MLLT3: variants seen among roughly 807,000 people sequenced by gnomAD.
The protein encoded by MLLT3 is protein AF-9.
MLLT3 carries 4 observed loss-of-function variants against 53.2 expected under a neutral mutation model. That is an observed-to-expected ratio of 0.08 (90% CI 0.04 to 0.17). The LOEUF is 0.17. Ranked by LOEUF, MLLT3 falls within the 10% of genes least tolerant of loss-of-function variation. The probability of loss-of-function intolerance (pLI) is 1.00; values close to 1 mark genes in which losing one functional copy is unlikely to be tolerated. For synonymous variants in MLLT3, 283 were observed against 230.6 expected (o/e 1.23, Z -2.06); for missense variants, 569 against 684.0 (o/e 0.83, Z 1.87).
chr9:20,552,023 G>A (rs1056694833), intron 2 of MLLT3, among the ~76,000 whole-genome samples: 13 of 152,082 alleles, frequency 8.5e-5, no homozygotes, highest in African/African-American at 2.7e-4. Context: ...CCACCCACCC[G>A]GATCCCTTTA....
intron 2 of MLLT3, among the ~76,000 whole-genome samples, chr9:20,488,657 T>C (rs1019555496): frequency 1.3e-5 from 2 of 152,218 alleles, no homozygotes; most frequent in Admixed American, 1.3e-4. Flanking sequence ...ATACAGAATC[T>C]GATTCTTTCA....
chr9:20,556,267 T>A (rs1819054900), intron 2 of MLLT3, among the ~76,000 whole-genome samples: 1 of 152,226 alleles, frequency 6.6e-6, no homozygotes. Flanking sequence ...ACTTCTGGAT[T>A]AAATAATCCT....
chr9:20,583,443 T>C (rs762915972), intron 2 of MLLT3, among the ~76,000 whole-genome samples: 19 of 152,148 alleles, frequency 1.2e-4, no homozygotes, highest in Non-Finnish European at 1.8e-4. Context: ...AGTGCCCCAG[T>C]AGGGACTCTG....
intron 2 of MLLT3, among the ~76,000 whole-genome samples, chr9:20,597,812 A>C (rs1820315596): frequency 6.6e-6 from 1 of 152,248 alleles, no homozygotes; most frequent in Non-Finnish European, 1.5e-5. Context: ...TTCCTATAGA[A>C]CTGCAGTCAC....
intron 2 of MLLT3, among the ~76,000 whole-genome samples, chr9:20,526,764 C>G (rs534242887): frequency 2.6e-5 from 4 of 152,282 alleles, no homozygotes; most frequent in Non-Finnish European, 5.9e-5. Flanking sequence ...AATTTACATT[C>G]CCACCAGCAG....
At chr9:20,423,977 A>T (rs796081687) in intron 4 of MLLT3, among the ~76,000 whole-genome samples, 2 of 152,146 alleles carry the variant, frequency 1.3e-5, no homozygotes, top group African/African-American at 4.8e-5. Flanking sequence ...AATAATGCAC[A>T]ATTTTAAAAT....
intron 2 of MLLT3, among the ~76,000 whole-genome samples, chr9:20,547,989 A>T (rs2119022882): frequency 6.6e-6 from 1 of 152,302 alleles, no homozygotes; most frequent in Admixed American, 6.5e-5. Flanking sequence ...CATATTTTAC[A>T]CCTATAGCAC....
chr9:20,348,406 C>G (rs1405801907), intron 10 of MLLT3, among the ~76,000 whole-genome samples: 2 of 152,160 alleles, frequency 1.3e-5, no homozygotes, highest in South Asian at 2.1e-4. Flanking sequence ...CATCTTTTGC[C>G]TTCTTTCCTT....
intron 2 of MLLT3, among the ~76,000 whole-genome samples, chr9:20,513,248 T>G (rs895109679): frequency 6.6e-6 from 1 of 152,184 alleles, no homozygotes; most frequent in Admixed American, 6.5e-5. Context: ...TTGTGGCCCT[T>G]GTCTGACCTG....
At chr9:20,570,784 AAACCTATAGGTCTGGATTAAGTCCCAAC>A (rs1399566166) in intron 2 of MLLT3, among the ~76,000 whole-genome samples, 3,924 of 152,218 alleles carry the variant, frequency 0.026, 183 homozygotes, top group African/African-American at 0.089. Context: ...ATAAAATAAG[AAACCTATAGGTCTGGATTAAGTCCCAAC>A]AAATTCCATA....
At chr9:20,589,004 A>G (rs1380215734) in intron 2 of MLLT3, among the ~76,000 whole-genome samples, 4 of 151,346 alleles carry the variant, frequency 2.6e-5, no homozygotes, top group Non-Finnish European at 4.4e-5. Context: ...AAACTAGTTC[A>G]ACCATTGTGG....
chr9:20,357,906 TA>T (rs1270110177), intron 8 of MLLT3, among the ~76,000 whole-genome samples: 1 of 151,864 alleles, frequency 6.6e-6, no homozygotes, highest in Admixed American at 6.6e-5. Context: ...AACTCTTTAT[TA>T]ATCGTGAAAA....
chr9:20,537,816 T>C (rs1818525060), intron 2 of MLLT3, among the ~76,000 whole-genome samples: 1 of 152,208 alleles, frequency 6.6e-6, no homozygotes, highest in Middle Eastern at 3.2e-3. Flanking sequence ...TTGACAGACA[T>C]GGCATATTAT....
chr9:20,365,640 A>G (rs746729862), intron 6 of MLLT3, 29 bp downstream of exon 6: 1 of 1,613,780 alleles, frequency 6.2e-7, no homozygotes, highest in Non-Finnish European at 8.5e-7. Flanking sequence ...TGAGAAAAGC[A>G]TCTCCTAGTT....
At chr9:20,510,458 C>T (rs149312568) in intron 2 of MLLT3, among the ~76,000 whole-genome samples, 39 of 151,802 alleles carry the variant, frequency 2.6e-4, no homozygotes, top group African/African-American at 8.9e-4. Flanking sequence ...TAAAAATACA[C>T]AAAATTAGCC....
At chr9:20,497,201 A>G (rs1825099672) in intron 2 of MLLT3, among the ~76,000 whole-genome samples, 1 of 152,234 alleles carries the variant, frequency 6.6e-6, no homozygotes, top group South Asian at 2.1e-4. Flanking sequence ...ACAGTAGAAT[A>G]TGGCCTGGGG....
intron 2 of MLLT3, among the ~76,000 whole-genome samples, chr9:20,503,899 A>G (rs935480504): frequency 3.3e-5 from 5 of 152,210 alleles, no homozygotes; most frequent in Admixed American, 2.0e-4. Context: ...AAGGACTTGA[A>G]AAGACATTTC....
At position 20,414,403 on chromosome 9, in the gene MLLT3, G is replaced by A. The variant is rs1278686117; in HGVS notation, c.443C>T (p.Thr148Ile). 3 of 1,603,434 alleles carry A rather than the reference G, an allele frequency of 1.9e-6. No homozygotes were observed. Among genetic ancestry groups the A allele is most frequent in the South Asian group, 1.1e-5 (1 of 90,380 alleles). The change falls in exon 5 of 11, where the codon ACC becomes ATC. Residue 148 changes from threonine to isoleucine, a missense_variant. Physicochemically the swap from Thr to Ile is moderately conservative, Grantham distance 89. Transcript: ENST00000380338. The stretch of plus-strand genomic sequence containing the variant: ...ACTGCTGCTGCTGCTGCTGCTGCTG[G>A]TATGAATACTCCTATTAGGGTCCTG... Reference protein sequence around the residue: ...AGGDPNRSIHTSSSSSSSSSS... With the variant: ...AGGDPNRSIHISSSSSSSSSS...
chr9:20,454,266 C>CGTGT (rs1164465875), intron 3 of MLLT3, among the ~76,000 whole-genome samples: 1 of 151,710 alleles, frequency 6.6e-6, no homozygotes, highest in South Asian at 2.1e-4. Flanking sequence ...CACACGCATG[C>CGTGT]GTGTGTGTGC....
Sources: gnomAD v4.1 joint callset for allele counts (sites outside exome capture counted in the v4.1 genomes callset) on GRCh38, gnomAD v4.1.1 for gene constraint, MANE v1.5 for transcripts, NCBI Gene and HGNC (gene_info 2026-07-23, HGNC 2026-07-21) for gene names.